Variants in TNKS2 observed in about 807,000 individuals in gnomAD.
The protein encoded by TNKS2 is poly [ADP-ribose] polymerase tankyrase-2.
A neutral mutation model predicts 137.6 loss-of-function variants in TNKS2; 72 were observed. That is an observed-to-expected ratio of 0.52 (90% CI 0.43 to 0.64). The LOEUF is 0.64. Among genes scored for constraint, TNKS2 ranks in the 30% least tolerant of loss-of-function variants. The pLI, the probability that TNKS2 is intolerant of heterozygous loss-of-function variation, is 0.00. For synonymous variants in TNKS2, 516 were observed against 512.1 expected (o/e 1.01, Z -0.10); for missense variants, 1,049 against 1,410.2 (o/e 0.74, Z 4.10).
chr10:91,830,328 C>T (rs1477855969), intron 9 of TNKS2, among the ~76,000 whole-genome samples: 2 of 152,194 alleles, frequency 1.3e-5, no homozygotes, highest in Non-Finnish European at 2.9e-5. Flanking sequence ...AGTGATTCTC[C>T]TGTCTCAGCC....
intron 1 of TNKS2, among the ~76,000 whole-genome samples, chr10:91,809,367 C>T (rs1163836981): frequency 6.6e-5 from 10 of 152,280 alleles, no homozygotes; most frequent in African/African-American, 2.4e-4. Context: ...CAGTCTTAAT[C>T]TTAGCCCTTA....
At chr10:91,843,022 A>G (rs879369918) in intron 16 of TNKS2, among the ~76,000 whole-genome samples, 1 of 152,118 alleles carries the variant, frequency 6.6e-6, no homozygotes, top group Non-Finnish European at 1.5e-5. Flanking sequence ...AAATATGCCT[A>G]CTTGAGCCAG....
chr10:91,840,356 A>C (rs956316253), intron 13 of TNKS2, among the ~76,000 whole-genome samples: 1 of 151,250 alleles, frequency 6.6e-6, no homozygotes, highest in Non-Finnish European at 1.5e-5. Flanking sequence ...ATAATAAGAC[A>C]AAAAAAAAGG....
At chr10:91,816,961 A>C (rs1844723118) in intron 2 of TNKS2, among the ~76,000 whole-genome samples, 173 bp from the exon 3 acceptor site, 1 of 152,196 alleles carries the variant, frequency 6.6e-6, no homozygotes, top group Non-Finnish European at 1.5e-5. Flanking sequence ...GTAATAGAAT[A>C]CTTTATGTAT....
rs1023115108 is a variant in TNKS2, at chr10:91,863,533, G to T, written c.*534G>T. The T allele has an allele frequency of 2.0e-5, 3 of 152,500 alleles. No homozygotes were observed. Among genetic ancestry groups the T allele is most frequent in the African/African-American group, 7.2e-5 (3 of 41,418 alleles). 9.4% of individuals were successfully genotyped at this position (152,500 alleles called of 1,614,324 possible). A position where few individuals can be genotyped will look rare whatever the true frequency, so the allele number is the denominator to read the frequency against. On this transcript the variant is annotated 3_prime_UTR_variant, in exon 27 of 27. Coordinates refer to ENST00000371627, the MANE Select transcript of TNKS2 (RefSeq NM_025235.4). ...TCTATACTTCATCTTACATCGTCAT[G>T]ATTGAGTGATCTTTACATTTGATTC...
chr10:91,802,469 C>T (rs939090685), intron 1 of TNKS2, among the ~76,000 whole-genome samples: 2 of 152,132 alleles, frequency 1.3e-5, no homozygotes, highest in Admixed American at 6.5e-5. Context: ...ATTCAGCGAT[C>T]GAACTGTCTG....
chr10:91,857,414 A>AT lies in TNKS2; in HGVS notation c.2989-5dup. The AT allele has an allele frequency of 6.3e-7, 1 of 1,577,634 alleles. No homozygotes were observed. Among genetic ancestry groups the AT allele is most frequent in the African/African-American group, 1.4e-5 (1 of 73,610 alleles). The stretch of plus-strand genomic sequence containing the variant: ...CCTAAAGATTTGATTTTTCTGGTTT[A>AT]TTTTTTATAGATTCAGAAGGTTTGT... On this transcript the variant is annotated splice_polypyrimidine_tract_variant and intron_variant, in intron 23 of 26. Coordinates refer to ENST00000371627, the MANE Select transcript of TNKS2 (RefSeq NM_025235.4).
chr10:91,854,803 T>A (rs767913874), intron 21 of TNKS2, among the ~76,000 whole-genome samples: 3 of 149,690 alleles, frequency 2.0e-5, no homozygotes, highest in Non-Finnish European at 4.4e-5. Flanking sequence ...CCCGGGATGC[T>A]AAGGCAGGAG....
intron 2 of TNKS2, among the ~76,000 whole-genome samples, chr10:91,815,113 G>T (rs932131574): frequency 6.6e-6 from 1 of 152,064 alleles, no homozygotes; most frequent in African/African-American, 2.4e-5. Flanking sequence ...AAGGATTTTG[G>T]ACTCATTGCC....
chr10:91,815,719 G>T (rs1449086109), intron 2 of TNKS2, among the ~76,000 whole-genome samples: 1 of 151,844 alleles, frequency 6.6e-6, no homozygotes, highest in African/African-American at 2.4e-5. Context: ...GTAGTTACTA[G>T]AAAATGTTAA....
rs923910433 is a variant in TNKS2, at chr10:91,850,870, A to T, written c.2695-346A>T. Reference sequence around the variant, plus strand: ...CATAGTGTATTACTGTATTAAAGGTAAAAGGGTTACTTTGAACAGTGATGC... The same window carrying T: ...CATAGTGTATTACTGTATTAAAGGTTAAAGGGTTACTTTGAACAGTGATGC... On this transcript the variant is annotated intron_variant, in intron 20 of 26. Coordinates refer to ENST00000371627, the MANE Select transcript of TNKS2 (RefSeq NM_025235.4). 5.9e-5 allele frequency among the ~76,000 whole-genome samples: 9 copies of T among 152,326 alleles called. No individual in the cohort carries two copies. In the East Asian group the frequency reaches 1.2e-3, roughly 20 times the overall value.
At chr10:91,807,348 T>C in intron 1 of TNKS2, 1 of 1,614,128 alleles carries the variant, frequency 6.2e-7, no homozygotes, top group Admixed American at 1.7e-5. Flanking sequence ...AGAATGCCTA[T>C]ATTTGAGAAC....
At chr10:91,828,206 A>G in intron 8 of TNKS2, 79 bp from the exon 9 acceptor site, 2 of 1,329,046 alleles carry the variant, frequency 1.5e-6, no homozygotes, top group Non-Finnish European at 2.0e-6. Flanking sequence ...AATAATTTCA[A>G]GGAAAATACT....
At chr10:91,839,601 G>A (rs975592905) in intron 13 of TNKS2, among the ~76,000 whole-genome samples, 1 of 152,194 alleles carries the variant, frequency 6.6e-6, no homozygotes, top group Admixed American at 6.5e-5. Flanking sequence ...CTAACCATCA[G>A]CATTCTATTA....
At chr10:91,856,044 T>A (rs1842695120) in intron 23 of TNKS2, among the ~76,000 whole-genome samples, 1 of 152,152 alleles carries the variant, frequency 6.6e-6, no homozygotes, top group Admixed American at 6.5e-5. Flanking sequence ...TTTATAGTCA[T>A]ACAATGCTTA....
chr10:91,823,217 C>G (rs932557445), intron 7 of TNKS2, among the ~76,000 whole-genome samples: 15 of 151,784 alleles, frequency 9.9e-5, no homozygotes, highest in Non-Finnish European at 1.9e-4. Flanking sequence ...TGGAGCTGGC[C>G]GATTTGGTAA....
Position 91,833,809 on chromosome 10 carries a change from A to G in TNKS2, c.1276-44A>G, listed in dbSNP as rs746474909. The G allele has an allele frequency of 3.4e-6, 5 of 1,484,476 alleles. No individual in the cohort carries two copies. In the South Asian group the frequency reaches 4.3e-5, roughly 13 times the overall value. 92.0% of individuals were successfully genotyped at this position (1,484,476 alleles called of 1,614,324 possible). A position where few individuals can be genotyped will look rare whatever the true frequency, so the allele number is the denominator to read the frequency against. On this transcript the variant is annotated intron_variant, in intron 11 of 26. Coordinates refer to ENST00000371627, the MANE Select transcript of TNKS2 (RefSeq NM_025235.4). ...TAAATACATGATTGTATGGTTTTAAATTTTGCATTGCGGGCTAATTTCAAT... is the reference window on the plus strand; with the variant it reads ...TAAATACATGATTGTATGGTTTTAAGTTTTGCATTGCGGGCTAATTTCAAT...
chr10:91,833,886 C>T lies in TNKS2; in HGVS notation c.1309C>T (p.Leu437=). 1.2e-6 allele frequency: 2 copies of T among 1,610,336 alleles called. No homozygotes were observed. ...NALDNLGQTS[L]HRAAYCGHLQ... The stretch of plus-strand genomic sequence containing the variant: ...TCTGGATAATCTTGGTCAGACTTCT[C>T]TACACAGAGCTGCATATTGTGGTCA... The change falls in exon 12 of 27, where the codon CTA becomes TTA. Residue 437 remains leucine (L), a synonymous_variant. Transcript: ENST00000371627.
chr10:91,832,287 T>A (rs1356051323), intron 11 of TNKS2, among the ~76,000 whole-genome samples: 1 of 152,182 alleles, frequency 6.6e-6, no homozygotes, highest in Non-Finnish European at 1.5e-5. Flanking sequence ...AATATCTGGA[T>A]ACATATTGAA....
Sources: gnomAD v4.1 joint callset for allele counts (sites outside exome capture counted in the v4.1 genomes callset) on GRCh38, gnomAD v4.1.1 for gene constraint, MANE v1.5 for transcripts, NCBI Gene and HGNC (gene_info 2026-07-23, HGNC 2026-07-21) for gene names.